Variants in CFH observed in about 807,000 individuals in gnomAD.
CFH encodes the protein complement factor H, also known as H factor 1 (complement).
A neutral mutation model predicts 147.3 loss-of-function variants in CFH; 53 were observed. The observed-to-expected ratio is 0.36, with a 90% CI of 0.29 to 0.45. The LOEUF is 0.45. Among genes scored for constraint, CFH ranks in the 20% least tolerant of loss-of-function variants. The pLI, the probability that CFH is intolerant of heterozygous loss-of-function variation, is 1.00. For synonymous variants in CFH, 536 were observed against 489.4 expected (o/e 1.10, Z -1.26); for missense variants, 1,380 against 1,498.0 (o/e 0.92, Z 1.30).
chr1:196,654,652 CCAG>C lies in CFH; in HGVS notation c.58+2478_58+2480del, dbSNP rs1666624125. ...GTACTATATGAAATTAGGCCACAGC[CCAG>C]AAATTCCAAGATGATTAAAGTGAAT... On this transcript the variant is annotated intron_variant, in intron 1 of 21. Coordinates refer to ENST00000367429, the MANE Select transcript of CFH (RefSeq NM_000186.4). 2.6e-5 allele frequency among the ~76,000 whole-genome samples: 4 copies of C among 152,122 alleles called. No homozygotes were observed. The South Asian group carries it at 6.2e-4, about 24-fold the overall frequency.
At chr1:196,685,426 G>A (rs926789960) in intron 7 of CFH, among the ~76,000 whole-genome samples, 189 bp downstream of exon 7, 1 of 152,064 alleles carries the variant, frequency 6.6e-6, no homozygotes, top group African/African-American at 2.4e-5. Context: ...AAATGTGTAT[G>A]TGTGTTTATG....
chr1:196,696,342 A>AG (rs1195877011), intron 9 of CFH, among the ~76,000 whole-genome samples: 1 of 152,168 alleles, frequency 6.6e-6, no homozygotes, highest in Non-Finnish European at 1.5e-5. Flanking sequence ...AAACTGAACA[A>AG]CCTGCTACTG....
Position 196,715,640 on chromosome 1 carries a change from T to C in CFH, c.1567T>C (p.Phe523Leu). Reference protein sequence around the residue: ...VFMNARTKNDFTWFKLNDTLD... With the variant: ...VFMNARTKNDLTWFKLNDTLD... ...TATGAATGCCAGAACTAAAAATGAC[T>C]TCACATGGTTTAAGCTGAATGACAC... is the stretch of plus-strand genomic sequence containing the variant. The change falls in exon 11 of 22, where the codon TTC becomes CTC. Residue 523 changes from phenylalanine (F) to leucine (L), a missense_variant. Around this residue, in one of 4 missense-constraint regions of CFH, gnomAD observed 830 missense variants for 821.4 expected, o/e 1.01. Transcript: ENST00000367429. The C allele has an allele frequency of 1.2e-6, 2 of 1,612,816 alleles. No individual in the cohort carries two copies. Among genetic ancestry groups the C allele is most frequent in the Non-Finnish European group, 1.7e-6 (2 of 1,179,176 alleles).
At chr1:196,671,587 T>TACAC (rs551313147) in intron 1 of CFH, among the ~76,000 whole-genome samples, 8,069 of 129,432 alleles carry the variant, frequency 0.062, 312 homozygotes, top group African/African-American at 0.12. Context: ...AAAAGACTAA[T>TACAC]ACACACACAC....
At chr1:196,687,006 A>G (rs890514743) in intron 7 of CFH, among the ~76,000 whole-genome samples, 1 of 152,110 alleles carries the variant, frequency 6.6e-6, no homozygotes, top group Admixed American at 6.6e-5. Context: ...GGAATGATAC[A>G]GAGGATGATA....
intron 9 of CFH, among the ~76,000 whole-genome samples, chr1:196,699,369 C>A (rs1668384823): frequency 1.3e-5 from 2 of 152,122 alleles, no homozygotes; most frequent in Non-Finnish European, 2.9e-5. Flanking sequence ...CTAAATTTTG[C>A]CCACTTTCCA....
intron 9 of CFH, among the ~76,000 whole-genome samples, chr1:196,698,728 A>G (rs1165266160): frequency 6.6e-6 from 1 of 152,178 alleles, no homozygotes; most frequent in Non-Finnish European, 1.5e-5. Context: ...CATTTTATGG[A>G]GCCAGCATCA....
In CFH at chr1:196,702,356, G is replaced by C. The variant is rs1159324448; in HGVS notation, c.1337-11379G>C. On this transcript the variant is annotated intron_variant, in intron 9 of 21. Coordinates refer to ENST00000367429, the MANE Select transcript of CFH (RefSeq NM_000186.4). The stretch of plus-strand genomic sequence containing the variant: ...AGCCGGGGAGTCACTCTGGTTCTGA[G>C]AGGCAGTTTCCCCATAACAACTGCT... 2.0e-5 allele frequency among the ~76,000 whole-genome samples: 3 copies of C among 152,052 alleles called. No individual in the cohort carries two copies. The East Asian group carries it at 5.8e-4, about 29-fold the overall frequency.
chr1:196,723,197 C>G (rs1411767643), intron 11 of CFH, among the ~76,000 whole-genome samples: 1 of 152,080 alleles, frequency 6.6e-6, no homozygotes, highest in Non-Finnish European at 1.5e-5. Context: ...TCCAGATGAA[C>G]TATCCCTTCT....
intron 9 of CFH, 160 bp downstream of exon 9, chr1:196,690,399 A>C (rs1477491988): frequency 1.1e-6 from 1 of 946,156 alleles, no homozygotes; most frequent in Non-Finnish European, 1.7e-6. Flanking sequence ...TGTATAAATG[A>C]ATATACAAAT....
chr1:196,691,898 T>C (rs1395941825), intron 9 of CFH, among the ~76,000 whole-genome samples: 1 of 152,072 alleles, frequency 6.6e-6, no homozygotes, highest in African/African-American at 2.4e-5. Context: ...TAAAAATATT[T>C]TGTGTTGATT....
chr1:196,697,867 A>T (rs1668329163), intron 9 of CFH, among the ~76,000 whole-genome samples: 1 of 152,070 alleles, frequency 6.6e-6, no homozygotes, highest in South Asian at 2.1e-4. Context: ...ACATGGATGA[A>T]GCTGGAAACC....
intron 6 of CFH, among the ~76,000 whole-genome samples, 179 bp downstream of exon 6, chr1:196,679,972 A>T (rs1397773816): frequency 6.6e-6 from 1 of 151,908 alleles, no homozygotes; most frequent in East Asian, 1.9e-4. Context: ...TTCGTACGAT[A>T]CACACACTCT....
At chr1:196,717,920 C>T (rs548233670) in intron 11 of CFH, among the ~76,000 whole-genome samples, 19 of 152,086 alleles carry the variant, frequency 1.2e-4, no homozygotes, top group African/African-American at 4.1e-4. Context: ...TGAGCAGTAA[C>T]GTTGGAAAAT....
chr1:196,663,375 T>A (rs947835880), intron 1 of CFH, among the ~76,000 whole-genome samples: 1 of 152,230 alleles, frequency 6.6e-6, no homozygotes, highest in Non-Finnish European at 1.5e-5. Flanking sequence ...CCATTGATGA[T>A]TAAAATGGGT....
chr1:196,714,709 A>AGAGAGG (rs1668825170), intron 10 of CFH, among the ~76,000 whole-genome samples: 2 of 127,378 alleles, frequency 1.6e-5, no homozygotes, highest in Non-Finnish European at 3.4e-5. Context: ...AGAGAGAGAG[A>AGAGAGG]GAGAGAGAGA....
At chr1:196,676,519 G>C (rs891281497) in intron 4 of CFH, among the ~76,000 whole-genome samples, 1 of 151,968 alleles carries the variant, frequency 6.6e-6, no homozygotes, top group African/African-American at 2.4e-5. Context: ...ACTGAAAAGA[G>C]GAATAAACTA....
chr1:196,745,555 C>T (rs1387437805), intron 20 of CFH, among the ~76,000 whole-genome samples: 3 of 152,118 alleles, frequency 2.0e-5, no homozygotes, highest in Non-Finnish European at 4.4e-5. Context: ...TGTATTCATT[C>T]GGAAAGACAT....
At chr1:196,736,639 G>T (rs1463414314) in intron 15 of CFH, among the ~76,000 whole-genome samples, 185 bp from the exon 16 acceptor site, 2 of 151,806 alleles carry the variant, frequency 1.3e-5, no homozygotes, top group African/African-American at 4.8e-5. Flanking sequence ...TTACACAGCT[G>T]AAAAGTATAA....
Sources: allele counts gnomAD v4.1 joint callset (sites outside exome capture counted in the v4.1 genomes callset), GRCh38; gene constraint gnomAD v4.1.1; regional missense constraint gnomAD v4.1.1; transcripts MANE v1.5; gene names NCBI Gene and HGNC (gene_info 2026-07-23, HGNC 2026-07-21).